SPECC1: variants seen among roughly 807,000 people sequenced by gnomAD.
SPECC1 encodes the protein cytospin-B.
Under a neutral mutation model 104.1 loss-of-function variants are expected in SPECC1, and 62 were observed. That is an observed-to-expected ratio of 0.60 (90% confidence interval 0.49 to 0.74). The LOEUF (loss-of-function observed/expected upper bound fraction) is 0.74, where lower values mean the gene tolerates loss of function less well. Ranked by LOEUF, SPECC1 falls within the 30% of genes least tolerant of loss-of-function variation. The pLI, the probability that SPECC1 is intolerant of heterozygous loss-of-function variation, is 0.00. For synonymous variants in SPECC1, 513 were observed against 501.6 expected, an observed-to-expected ratio of 1.02 and a Z score of -0.30; for missense variants, 1,306 against 1,310.5, an observed-to-expected ratio of 1.00 and a Z score of 0.05.
intron 3 of SPECC1, among the ~76,000 whole-genome samples, chr17:20,130,556 T>G (rs1450294969): frequency 6.6e-6 from 1 of 152,118 alleles, no homozygotes; most frequent in African/African-American, 2.4e-5. Context: ...AAAATATCAG[T>G]TGGGCATACT....
chr17:20,012,663 TG>T (rs1315159638), intron 1 of SPECC1, among the ~76,000 whole-genome samples: 1 of 152,104 alleles, frequency 6.6e-6, no homozygotes, highest in East Asian at 1.9e-4. Context: ...GGCTGGATTT[TG>T]TTTAATTAGT....
intron 3 of SPECC1, chr17:20,112,467 C>A: frequency 1.3e-6 from 1 of 765,912 alleles, no homozygotes; most frequent in South Asian, 1.4e-5. Flanking sequence ...TCAATCAAGT[C>A]AGAACTGCGA....
At chr17:20,114,038 C>T in intron 3 of SPECC1, among the ~76,000 whole-genome samples, 1 of 152,092 alleles carries the variant, frequency 6.6e-6, no homozygotes, top group Non-Finnish European at 1.5e-5. Flanking sequence ...TAGAACCCTA[C>T]AGTGGGGAAT....
At chr17:20,190,521 C>G (rs915926755) in intron 3 of SPECC1, among the ~76,000 whole-genome samples, 1 of 152,122 alleles carries the variant, frequency 6.6e-6, no homozygotes. Flanking sequence ...TTAGGCACAG[C>G]AAAATTGAGT....
chr17:20,192,680 T>C (rs1295008153), intron 3 of SPECC1, among the ~76,000 whole-genome samples: 1 of 152,246 alleles, frequency 6.6e-6, no homozygotes. Context: ...ATCTGTACTT[T>C]ACCTTTTTCA....
chr17:20,316,214 T>G lies in SPECC1; in HGVS notation c.*2149T>G, dbSNP rs1598190931. 4.8e-5 allele frequency: 11 copies of G among 229,426 alleles called. No homozygotes were observed. The East Asian group carries it at 6.7e-4, about 14-fold the overall frequency. The allele number at this position is 229,426 out of a possible 1,614,324, so 14.2% of individuals were successfully genotyped here. A position where few individuals can be genotyped will look rare whatever the true frequency, so the allele number is the denominator to read the frequency against. On this transcript the variant is annotated 3_prime_UTR_variant, in exon 15 of 15. Transcript: ENST00000395527. ...ACTTCTTCTTTGCCCACCATTAAAG[T>G]GGGGGAAAGTAATATCCCAAGTAGT...
intron 1 of SPECC1, among the ~76,000 whole-genome samples, chr17:20,029,134 T>C (rs1205319066): frequency 2.0e-5 from 3 of 152,222 alleles, no homozygotes; most frequent in African/African-American, 7.2e-5. Context: ...TAATAAGTCT[T>C]TTGATCCATG....
intron 3 of SPECC1, among the ~76,000 whole-genome samples, chr17:20,200,832 T>A (rs1393247847): frequency 1.3e-5 from 2 of 151,508 alleles, no homozygotes; most frequent in Admixed American, 1.3e-4. Flanking sequence ...TGTAACAGTT[T>A]CTGAAATGAG....
chr17:20,234,974 A>C (rs1181696331), intron 7 of SPECC1, among the ~76,000 whole-genome samples: 1 of 152,250 alleles, frequency 6.6e-6, no homozygotes, highest in East Asian at 1.9e-4. Context: ...GGAAGGCGGT[A>C]GCCTCATCTT....
intron 1 of SPECC1, among the ~76,000 whole-genome samples, chr17:20,091,599 AGAAGAGGT>A (rs2047404261): frequency 3.3e-5 from 5 of 152,228 alleles, no homozygotes; most frequent in Non-Finnish European, 7.3e-5. Flanking sequence ...CTACTACTGT[AGAAGAGGT>A]CAGGAGCAAA....
At chr17:20,266,976 TCAG>T (rs1482076108) in intron 12 of SPECC1, among the ~76,000 whole-genome samples, 1 of 151,908 alleles carries the variant, frequency 6.6e-6, no homozygotes, top group African/African-American at 2.4e-5. Flanking sequence ...TCGACCCAGG[TCAG>T]CAGCACTGGG....
chr17:20,051,975 C>A (rs1222091895), intron 1 of SPECC1, among the ~76,000 whole-genome samples: 1 of 152,088 alleles, frequency 6.6e-6, no homozygotes, highest in Non-Finnish European at 1.5e-5. Flanking sequence ...CCCAACTGTC[C>A]AAAGGGGAGA....
At chr17:20,150,118 G>A (rs1437211111) in intron 3 of SPECC1, among the ~76,000 whole-genome samples, 6 of 151,064 alleles carry the variant, frequency 4.0e-5, no homozygotes, top group East Asian at 2.0e-4. Flanking sequence ...GACTACAGGC[G>A]CCCGCCACCA....
intron 1 of SPECC1, among the ~76,000 whole-genome samples, chr17:20,027,634 T>C (rs2044647618): frequency 6.6e-6 from 1 of 152,194 alleles, no homozygotes; most frequent in East Asian, 1.9e-4. Flanking sequence ...AGTTTTATTC[T>C]TCTGCATATC....
chr17:20,182,109 C>CTT (rs2034935494), intron 3 of SPECC1, among the ~76,000 whole-genome samples: 1 of 71,100 alleles, frequency 1.4e-5, no homozygotes, highest in South Asian at 6.1e-4. Context: ...TTTTCTTTTT[C>CTT]TTTCTTTTTC....
intron 12 of SPECC1, among the ~76,000 whole-genome samples, chr17:20,277,767 G>A (rs763507067): frequency 6.6e-6 from 1 of 152,146 alleles, no homozygotes; most frequent in Non-Finnish European, 1.5e-5. Flanking sequence ...CCTAACCACC[G>A]TTCCGCTTCG....
intron 3 of SPECC1, among the ~76,000 whole-genome samples, chr17:20,117,180 A>T (rs1454245407): frequency 6.6e-6 from 1 of 152,098 alleles, no homozygotes; most frequent in African/African-American, 2.4e-5. Flanking sequence ...AATGTGACCG[A>T]GTAAGTATTT....
chr17:20,179,538 A>G (rs576311901), intron 3 of SPECC1, among the ~76,000 whole-genome samples: 15 of 152,228 alleles, frequency 9.9e-5, no homozygotes, highest in Non-Finnish European at 1.8e-4. Flanking sequence ...AACTGAGACT[A>G]ATAAGGTGGG....
chr17:20,227,186 A>G (rs996785783), intron 4 of SPECC1, among the ~76,000 whole-genome samples: 11 of 152,214 alleles, frequency 7.2e-5, no homozygotes, highest in Middle Eastern at 3.2e-3. Flanking sequence ...GAGGCTAAGA[A>G]TGCAAGAAAC....
Sources: gnomAD v4.1 joint callset for allele counts (sites outside exome capture counted in the v4.1 genomes callset) on GRCh38, gnomAD v4.1.1 for gene constraint, MANE v1.5 for transcripts, NCBI Gene and HGNC (gene_info 2026-07-23, HGNC 2026-07-21) for gene names.